COL5A1: variants seen among roughly 807,000 people sequenced by gnomAD.
COL5A1 encodes the protein collagen alpha-1(V) chain.
In COL5A1, 16 loss-of-function variants were observed where a neutral mutation model predicts 263.7. The ratio of observed to expected loss-of-function variants is 0.06; its 90% CI spans 0.04 to 0.09. The LOEUF (loss-of-function observed/expected upper bound fraction) is 0.09, where lower values mean the gene tolerates loss of function less well. Ranked by LOEUF, COL5A1 falls within the 10% of genes least tolerant of loss-of-function variation. COL5A1 has a pLI of 1.00. For missense variants in COL5A1, 2,036 were observed against 2,540.5 expected (o/e 0.80, Z 4.27); for synonymous variants, 1,012 against 1,004.5 (o/e 1.01, Z -0.14).
intron 27 of COL5A1, among the ~76,000 whole-genome samples, chr9:134,779,422 G>A (rs1837174569): frequency 6.6e-6 from 1 of 152,228 alleles, no homozygotes; most frequent in African/African-American, 2.4e-5. Context: ...CTGAACTCAT[G>A]ACAACTGCAA....
chr9:134,804,521 T>G (rs1048244242), intron 39 of COL5A1, among the ~76,000 whole-genome samples: 2 of 152,214 alleles, frequency 1.3e-5, no homozygotes, highest in African/African-American at 4.8e-5. Context: ...AAGATAGACG[T>G]GCCCTCAGCT....
intron 11 of COL5A1, among the ~76,000 whole-genome samples, chr9:134,744,834 C>T (rs556439977): frequency 5.3e-5 from 8 of 152,214 alleles, no homozygotes; most frequent in Admixed American, 3.9e-4. Flanking sequence ...CATGCATGCA[C>T]ACTCATCCAT....
intron 63 of COL5A1, 36 bp downstream of exon 63, chr9:134,825,940 C>T: frequency 2.1e-6 from 3 of 1,402,924 alleles, no homozygotes; most frequent in Non-Finnish European, 3.0e-6. Flanking sequence ...CCCAGCGGGG[C>T]AGGCGTCACA....
chr9:134,718,385 G>A (rs2132614975), intron 4 of COL5A1, among the ~76,000 whole-genome samples: 1 of 152,378 alleles, frequency 6.6e-6, no homozygotes, highest in Admixed American at 6.5e-5. Context: ...GGAATGTAAA[G>A]GGGGAAAATG....
At chr9:134,759,628 A>G in intron 18 of COL5A1, among the ~76,000 whole-genome samples, 1 of 97,428 alleles carries the variant, frequency 1.0e-5, no homozygotes, top group Non-Finnish European at 1.9e-5. Context: ...ATGCACACAT[A>G]CACCCATATT....
Position 134,731,530 on chromosome 9 carries a change from T to C in COL5A1, c.1199T>C (p.Leu400Ser). The change falls in exon 8 of 66, where the codon TTG becomes TCG. Residue 400 changes from leucine to serine, a missense_variant. Leu to Ser is a moderately radical substitution (Grantham distance 145, BLOSUM62 -2). This residue lies in a region of COL5A1 where 600 missense variants were observed against 634.5 expected (regional missense o/e 0.95). Coordinates refer to ENST00000371817, the MANE Select transcript of COL5A1 (RefSeq NM_000093.5). ...APPPGEGADD[L>S]EGEFTEETIR... The stretch of plus-strand genomic sequence containing the variant: ...CCTCCAGGGGAAGGTGCGGATGACT[T>C]GGAGGGGGAGTTCACTGAGGAAACG... The C allele has an allele frequency of 1.2e-6, 2 of 1,614,168 alleles. No individual in the cohort carries two copies. Among genetic ancestry groups the C allele is most frequent in the Non-Finnish European group, 1.7e-6 (2 of 1,180,016 alleles).
intron 1 of COL5A1, among the ~76,000 whole-genome samples, chr9:134,675,167 G>A (rs1832652810): frequency 6.6e-6 from 1 of 152,054 alleles, no homozygotes; most frequent in Admixed American, 6.5e-5. Context: ...GTAATTGTTG[G>A]GTGAGCGTTT....
rs1478263882 is a variant in COL5A1, at chr9:134,772,998, A to G, written c.2331+164A>G. ...CGCCAAGGGACCCAGCCTGGGGGGG[A>G]CACAGGCCTTTTCCCCAAGAAGCGG... On this transcript the variant is annotated intron_variant, in intron 26 of 65. Coordinates refer to ENST00000371817, the MANE Select transcript of COL5A1 (RefSeq NM_000093.5). Among the ~76,000 whole-genome samples the G allele has an allele frequency of 3.3e-5, 5 of 151,762 alleles. No individual in the cohort carries two copies. In the East Asian group the frequency reaches 9.8e-4, roughly 30 times the overall value.
At chr9:134,661,075 A>G (rs1294231267) in intron 1 of COL5A1, among the ~76,000 whole-genome samples, 2 of 151,868 alleles carry the variant, frequency 1.3e-5, no homozygotes, top group African/African-American at 4.8e-5. Flanking sequence ...CACACCCACC[A>G]CTGGCTGGCA....
intron 19 of COL5A1, 108 bp downstream of exon 19, chr9:134,762,086 T>A (rs1193128415): frequency 8.9e-7 from 1 of 1,129,632 alleles, no homozygotes; most frequent in Non-Finnish European, 1.3e-6. Flanking sequence ...GCCTGCCGCA[T>A]GTGGAGGGCC....
At position 134,785,085 on chromosome 9, in the gene COL5A1, C is replaced by A; in HGVS notation, c.2581C>A (p.Pro861Thr). 1 of 1,612,856 alleles carries A rather than the reference C, an allele frequency of 6.2e-7. No individual in the cohort carries two copies. The highest frequency in any genetic ancestry group is 1.1e-5 in the South Asian group (1 of 91,068). The change falls in exon 30 of 66, where the codon CCT (proline) becomes ACT (threonine). Residue 861 changes from proline (P) to threonine (T), a missense_variant. By Grantham distance (38) the Pro-to-Thr change is conservative. Coordinates refer to ENST00000371817, the MANE Select transcript of COL5A1 (RefSeq NM_000093.5). ...PNGDPGPLGP[P>T]GEKGKLGVPG... Reference sequence around the variant, plus strand: ...TGGTGACCCCGGTCCTCTGGGACCCCCTGGGGAGAAGGTTTGTGATGTGGG... The same window carrying A: ...TGGTGACCCCGGTCCTCTGGGACCCACTGGGGAGAAGGTTTGTGATGTGGG...
chr9:134,835,804 G>A (rs1219411110), intron 65 of COL5A1, among the ~76,000 whole-genome samples: 7 of 152,190 alleles, frequency 4.6e-5, no homozygotes, highest in Non-Finnish European at 1.0e-4. Context: ...CCACATGCAC[G>A]CCTTTCCCCT....
At position 134,818,988 on chromosome 9, in the gene COL5A1, C is replaced by T. The variant is rs570408708; in HGVS notation, c.4393-12C>T. 2.5e-6 allele frequency: 4 copies of T among 1,613,462 alleles called. No individual in the cohort carries two copies. The East Asian group carries it at 8.9e-5, about 36-fold the overall frequency. On this transcript the variant is annotated splice_polypyrimidine_tract_variant and intron_variant, in intron 56 of 65. Coordinates refer to ENST00000371817, the MANE Select transcript of COL5A1 (RefSeq NM_000093.5). This position sits in a 1 kb window ranked among gnomAD's most constrained non-coding sequence, Gnocchi z 6.0. ...AGGATGAGGACTCTGATCCCCCTGC[C>T]TCCTCCCACAGGGTCCCCCAGGACT... is the stretch of plus-strand genomic sequence containing the variant.
chr9:134,822,796 C>T lies in COL5A1; in HGVS notation c.4609-202C>T. 7.4e-6 allele frequency: 5 copies of T among 678,658 alleles called. 1 individual carries two copies. The highest frequency in any genetic ancestry group is 5.1e-5 in the South Asian group (3 of 58,696). 42.0% of individuals were successfully genotyped at this position (678,658 alleles called of 1,614,324 possible). ...GGCTGGCCGGGGGCAGGTAGGACCACCCTGTGTCTCCACGAGGGGTGAGCA... is the reference window on the plus strand; with the variant it reads ...GGCTGGCCGGGGGCAGGTAGGACCATCCTGTGTCTCCACGAGGGGTGAGCA... On this transcript the variant is annotated intron_variant, in intron 59 of 65. Coordinates refer to ENST00000371817, the MANE Select transcript of COL5A1 (RefSeq NM_000093.5).
chr9:134,726,590 G>A (rs1272255835), intron 4 of COL5A1, among the ~76,000 whole-genome samples: 2 of 151,556 alleles, frequency 1.3e-5, no homozygotes, highest in Non-Finnish European at 2.9e-5. Context: ...AGGAGTGGAT[G>A]GATAGAGGGT....
chr9:134,643,084 A>T (rs1161834600), intron 1 of COL5A1, among the ~76,000 whole-genome samples: 1 of 152,188 alleles, frequency 6.6e-6, no homozygotes. Flanking sequence ...AGCCCTTAGA[A>T]GGAGGCTTGC....
intron 42 of COL5A1, among the ~76,000 whole-genome samples, chr9:134,806,884 C>T (rs1424965353): frequency 2.0e-5 from 3 of 152,178 alleles, no homozygotes; most frequent in East Asian, 1.9e-4. Context: ...CCTCTGTGTC[C>T]AGGAAAGCCC....
chr9:134,649,422 A>G (rs1831591473), intron 1 of COL5A1: 1 of 457,356 alleles, frequency 2.2e-6, no homozygotes, highest in Non-Finnish European at 4.5e-6. Context: ...AGCTCTGGGG[A>G]CATGGGCTCA....
At chr9:134,688,683 G>A (rs1053453908) in intron 1 of COL5A1, among the ~76,000 whole-genome samples, 1 of 152,160 alleles carries the variant, frequency 6.6e-6, no homozygotes, top group African/African-American at 2.4e-5. Context: ...TCCCTGTGCC[G>A]CCCCTCCCCT....
Sources: allele counts gnomAD v4.1 joint callset (sites outside exome capture counted in the v4.1 genomes callset), GRCh38; gene constraint gnomAD v4.1.1; regional missense constraint gnomAD v4.1.1; non-coding constraint Gnocchi (gnomAD v3.1); transcripts MANE v1.5; gene names NCBI Gene and HGNC (gene_info 2026-07-23, HGNC 2026-07-21).